The following MRPS27 variants were observed in gnomAD, a reference collection of about 807,000 sequenced individuals.
MRPS27 encodes the protein mitochondrial ribosomal protein S27, also known as small ribosomal subunit protein mS27.
Under a neutral mutation model 48.9 loss-of-function variants are expected in MRPS27, and 43 were observed. The observed-to-expected ratio is 0.88, with a 90% CI of 0.69 to 1.13. The LOEUF (loss-of-function observed/expected upper bound fraction) is 1.13. MRPS27 is among the 50% of genes most tolerant of loss of function. MRPS27 has a pLI of 0.00. For synonymous variants in MRPS27, 188 were observed against 171.9 expected (o/e 1.09, Z -0.73); for missense variants, 467 against 476.3 (o/e 0.98, Z 0.18).
chr5:72,233,427 T>C (rs1484848516), intron 6 of MRPS27, among the ~76,000 whole-genome samples: 24 of 152,170 alleles, frequency 1.6e-4, no homozygotes, highest in Non-Finnish European at 2.9e-5. Flanking sequence ...GCTTAAAATA[T>C]AGTGCCTGTT....
chr5:72,319,233 T>C (rs1750667119), intron 1 of MRPS27, among the ~76,000 whole-genome samples: 1 of 152,262 alleles, frequency 6.6e-6, no homozygotes, highest in Non-Finnish European at 1.5e-5. Context: ...ATGTTTTCAT[T>C]ATCAGATCCA....
chr5:72,241,884 C>T (rs1457071658), intron 4 of MRPS27, among the ~76,000 whole-genome samples: 1 of 152,174 alleles, frequency 6.6e-6, no homozygotes, highest in Non-Finnish European at 1.5e-5. Context: ...TTATTATTGC[C>T]TAGGCCAACA....
chr5:72,269,317 C>A (rs1239180557), intron 4 of MRPS27, among the ~76,000 whole-genome samples: 1 of 152,136 alleles, frequency 6.6e-6, no homozygotes, highest in Non-Finnish European at 1.5e-5. Context: ...GTCCTGGTCA[C>A]ATATCTGAGA....
intron 1 of MRPS27, among the ~76,000 whole-genome samples, chr5:72,317,921 A>C (rs1750604453): frequency 6.6e-6 from 1 of 152,216 alleles, no homozygotes; most frequent in African/African-American, 2.4e-5. Flanking sequence ...GCATTACTTT[A>C]AGCTGGGGTG....
intron 7 of MRPS27, among the ~76,000 whole-genome samples, chr5:72,230,636 T>C (rs1045851445): frequency 3.3e-5 from 5 of 152,176 alleles, no homozygotes; most frequent in Admixed American, 3.3e-4. Flanking sequence ...CATGGAAGTA[T>C]AAGTCTCCAC....
At position 72,270,179 on chromosome 5, in the gene MRPS27, G is replaced by A. The variant is rs189057353; in HGVS notation, c.281+25352C>T. 6.7e-3 allele frequency among the ~76,000 whole-genome samples: 932 copies of A among 139,084 alleles called. 3 individuals carry two copies. The highest frequency in any genetic ancestry group is 0.025 in the Middle Eastern group (7 of 276). 91.2% of individuals were successfully genotyped at this position (139,084 alleles called of 152,430 possible). ...TTATGCTCCAGCCTGGGCGACAAAA[G>A]AGAAACTCCATCTCAATAATAATAA... On this transcript the variant is annotated intron_variant, in intron 4 of 10. Coordinates refer to ENST00000261413, the MANE Select transcript of MRPS27 (RefSeq NM_015084.3).
chr5:72,234,481 C>T (rs1297826618), intron 5 of MRPS27, among the ~76,000 whole-genome samples: 1 of 150,442 alleles, frequency 6.6e-6, no homozygotes, highest in Non-Finnish European at 1.5e-5. Flanking sequence ...TTAAAAAAAA[C>T]ATAAAAGAAA....
intron 4 of MRPS27, among the ~76,000 whole-genome samples, chr5:72,253,857 A>G (rs1748726987): frequency 6.6e-6 from 1 of 152,214 alleles, no homozygotes; most frequent in African/African-American, 2.4e-5. Flanking sequence ...CTGAGTAGTG[A>G]AAGATACTTA....
intron 3 of MRPS27, among the ~76,000 whole-genome samples, chr5:72,296,806 C>A (rs1749994288): frequency 6.6e-6 from 1 of 151,176 alleles, no homozygotes; most frequent in Non-Finnish European, 1.5e-5. Flanking sequence ...TTTTATGGTG[C>A]CATTAATTTC....
At chr5:72,289,579 AC>A (rs1346498242) in intron 4 of MRPS27, among the ~76,000 whole-genome samples, 1 of 151,846 alleles carries the variant, frequency 6.6e-6, no homozygotes, top group African/African-American at 2.4e-5. Flanking sequence ...GCACCACCAC[AC>A]CCGGCTAATT....
In MRPS27 at chr5:72,238,053, A is replaced by T; in HGVS notation, c.357T>A (p.Tyr119Ter). The change falls in exon 5 of 11, where the codon TAT (tyrosine) becomes TAA (stop). Residue 119 changes from tyrosine to a stop codon, truncating the protein, a stop_gained. Transcript: ENST00000261413. LOFTEE classifies it high-confidence loss of function. ...IHTWIRQCLK[Y>*]DAQDKALYTL... ...TATATAGGGCTTTGTCTTGTGCATCATATTTTAGACACTGCCTAATCCAGG... is the reference window on the plus strand; with the variant it reads ...TATATAGGGCTTTGTCTTGTGCATCTTATTTTAGACACTGCCTAATCCAGG... The T allele has an allele frequency of 4.3e-6, 7 of 1,613,588 alleles. No individual in the cohort carries two copies. Among genetic ancestry groups the T allele is most frequent in the Non-Finnish European group, 5.9e-6 (7 of 1,179,666 alleles).
At position 72,220,373 on chromosome 5, in the gene MRPS27, T is replaced by C. The variant is rs1337831780; in HGVS notation, c.*536A>G. 6.6e-6 allele frequency: 1 copy of C among 152,578 alleles called. No homozygotes were observed. Among genetic ancestry groups the C allele is most frequent in the African/African-American group, 2.4e-5 (1 of 41,402 alleles). The allele number at this position is 152,578 out of a possible 1,614,324, so 9.5% of individuals were successfully genotyped here. On this transcript the variant is annotated 3_prime_UTR_variant, in exon 11 of 11. Coordinates refer to ENST00000261413, the MANE Select transcript of MRPS27 (RefSeq NM_015084.3). Reference sequence around the variant, plus strand: ...CCATCTCTACTAAAAATGCAAAAATTAGAAAGGTGTGGTGGTATGCACCTG... The same window carrying C: ...CCATCTCTACTAAAAATGCAAAAATCAGAAAGGTGTGGTGGTATGCACCTG...
intron 1 of MRPS27, among the ~76,000 whole-genome samples, chr5:72,318,154 G>C (rs747986783): frequency 2.0e-5 from 3 of 152,212 alleles, no homozygotes; most frequent in Non-Finnish European, 2.9e-5. Flanking sequence ...GTCATTTGTA[G>C]ATTACTTATA....
chr5:72,312,763 G>A (rs1274483134), intron 2 of MRPS27, among the ~76,000 whole-genome samples: 1 of 151,778 alleles, frequency 6.6e-6, no homozygotes, highest in East Asian at 1.9e-4. Context: ...TGGGATTACA[G>A]ATGCCTGCCA....
intron 1 of MRPS27, among the ~76,000 whole-genome samples, chr5:72,319,267 C>T (rs1025598929): frequency 1.3e-5 from 2 of 152,100 alleles, no homozygotes; most frequent in African/African-American, 4.8e-5. Context: ...GAGTGGGCTG[C>T]CATTTAGTTC....
chr5:72,283,727 C>G (rs1284487979), intron 4 of MRPS27, among the ~76,000 whole-genome samples: 2 of 151,568 alleles, frequency 1.3e-5, no homozygotes, highest in Non-Finnish European at 2.9e-5. Context: ...GAAATGTGTA[C>G]GTACAAAAAA....
chr5:72,233,792 T>C (rs980535733), intron 6 of MRPS27, among the ~76,000 whole-genome samples: 6 of 152,168 alleles, frequency 3.9e-5, no homozygotes, highest in Non-Finnish European at 8.8e-5. Flanking sequence ...CATTACTGAA[T>C]CCAAAATTAT....
At chr5:72,259,972 A>T (rs1030731797) in intron 4 of MRPS27, among the ~76,000 whole-genome samples, 1 of 152,134 alleles carries the variant, frequency 6.6e-6, no homozygotes, top group Non-Finnish European at 1.5e-5. Context: ...CATAGTGCTT[A>T]TTGGCTATAT....
chr5:72,313,973 T>A (rs572908640), intron 2 of MRPS27, 108 bp downstream of exon 2: 4 of 814,378 alleles, frequency 4.9e-6, no homozygotes, highest in Non-Finnish European at 7.7e-6. Flanking sequence ...CTTATCTGAA[T>A]TGAAACATCA....
Sources: gnomAD v4.1 joint callset for allele counts (sites outside exome capture counted in the v4.1 genomes callset) on GRCh38, gnomAD v4.1.1 for gene constraint, MANE v1.5 for transcripts, NCBI Gene and HGNC (gene_info 2026-07-23, HGNC 2026-07-21) for gene names.